CSMD1: variants seen among roughly 807,000 people sequenced by gnomAD.
CSMD1 encodes CUB and Sushi multiple domains 1, also known as CUB and sushi domain-containing protein 1.
In CSMD1, 213 loss-of-function variants were observed where a neutral mutation model predicts 417.5. The observed-to-expected ratio is 0.51, with a 90% CI of 0.46 to 0.57. The LOEUF (loss-of-function observed/expected upper bound fraction) is 0.57, where lower values mean the gene tolerates loss of function less well. Among genes scored for constraint, CSMD1 ranks in the 20% least tolerant of loss-of-function variants. The pLI is 0.00. For synonymous variants in CSMD1, 2,862 were observed against 1,736.8 expected, an observed-to-expected ratio of 1.65 and a Z score of -16.11; for missense variants, 6,923 against 4,529.7, an observed-to-expected ratio of 1.53 and a Z score of -15.17.
At chr8:3,736,756 G>A (rs531241624) in intron 6 of CSMD1, among the ~76,000 whole-genome samples, 28 of 152,154 alleles carry the variant, frequency 1.8e-4, no homozygotes, top group Non-Finnish European at 3.7e-4. Flanking sequence ...CCAATCATTA[G>A]GTGTGTCGTT....
chr8:3,006,739 G>T (rs916496137), intron 52 of CSMD1, among the ~76,000 whole-genome samples: 1 of 151,648 alleles, frequency 6.6e-6, no homozygotes, highest in Non-Finnish European at 1.5e-5. Flanking sequence ...GCTGAAACTG[G>T]ATCCCTTCCT....
At position 3,815,469 on chromosome 8, in the gene CSMD1, T is replaced by C. The variant is rs560442122; in HGVS notation, c.819-61427A>G. On this transcript the variant is annotated intron_variant, in intron 5 of 69. Transcript: ENST00000635120. ...ATTGTGCCAGTCCCTCAGGTTTCTG[T>C]GTAAATATAAAAGTTAAACTCAAAA... Among the ~76,000 whole-genome samples the C allele has an allele frequency of 8.5e-5, 13 of 152,212 alleles. 1 individual carries two copies. Among genetic ancestry groups the C allele is most frequent in the Admixed American group, 2.0e-4 (3 of 15,292 alleles).
chr8:3,948,907 CACTG>C lies in CSMD1; in HGVS notation c.818+48992_818+48995del, dbSNP rs758133486. On this transcript the variant is annotated intron_variant, in intron 5 of 69. Transcript: ENST00000635120. ...AAAAAGGAGATTTTTTTTTTCAGAA[CACTG>C]ACTGGTACAAAAAGCATTAGTAGAA... Among the ~76,000 whole-genome samples, 3 of 151,566 alleles carry C rather than the reference CACTG, an allele frequency of 2.0e-5. No homozygotes were observed. The South Asian group carries it at 6.2e-4, about 32-fold the overall frequency.
intron 49 of CSMD1, among the ~76,000 whole-genome samples, chr8:3,082,107 T>A (rs1414918260): frequency 2.0e-5 from 3 of 152,180 alleles, no homozygotes; most frequent in Non-Finnish European, 4.4e-5. Context: ...GTATTTTCAA[T>A]ACCTGTTTTC....
At chr8:3,360,107 T>G (rs1290616702) in intron 20 of CSMD1, among the ~76,000 whole-genome samples, 1 of 152,230 alleles carries the variant, frequency 6.6e-6, no homozygotes, top group Admixed American at 6.5e-5. Context: ...ATTTTGCCTC[T>G]AGAATATACC....
intron 1 of CSMD1, among the ~76,000 whole-genome samples, chr8:4,706,353 T>C (rs1357477310): frequency 6.6e-6 from 1 of 152,148 alleles, no homozygotes. Context: ...CTTCAAATTA[T>C]TATACTCCAT....
At position 3,651,854 on chromosome 8, in the gene CSMD1, T is replaced by A. The variant is rs139106998; in HGVS notation, c.1010-35057A>T. ...CCATCAGAGCACCCACCATCGCACT[T>A]ACCACCATGAGCACACTTACCACCA... On this transcript the variant is annotated intron_variant, in intron 7 of 69. Transcript: ENST00000635120. 3.2e-3 allele frequency among the ~76,000 whole-genome samples: 427 copies of A among 134,686 alleles called. 1 individual carries two copies. The highest frequency in any genetic ancestry group is 5.1e-3 in the Non-Finnish European group (324 of 64,140). The allele number at this position is 134,686 out of a possible 152,430, so 88.4% of individuals were successfully genotyped here.
rs193065125 is a variant in CSMD1, at chr8:4,396,999, C to T, written c.415+22954G>A. On this transcript the variant is annotated intron_variant, in intron 3 of 69. Coordinates refer to ENST00000635120, the MANE Select transcript of CSMD1 (RefSeq NM_033225.6). ...TAAAGGACCTATTCATGTAACCAAA[C>T]ACCATCTGTTCCCTAAAAATCTAAT... Among the ~76,000 whole-genome samples the T allele has an allele frequency of 3.1e-4, 47 of 152,008 alleles. No homozygotes were observed. In the East Asian group the frequency reaches 9.1e-3, roughly 29 times the overall value.
intron 1 of CSMD1, among the ~76,000 whole-genome samples, chr8:4,741,067 C>G (rs1810571623): frequency 6.6e-6 from 1 of 152,146 alleles, no homozygotes; most frequent in South Asian, 2.1e-4. Flanking sequence ...AATCCTTATG[C>G]TTTAAGGAAT....
chr8:4,640,448 A>G (rs1036404384), intron 1 of CSMD1, among the ~76,000 whole-genome samples: 1 of 152,238 alleles, frequency 6.6e-6, no homozygotes, highest in Non-Finnish European at 1.5e-5. Context: ...GGAACAGAAT[A>G]GAAAGCCATA....
At chr8:3,937,275 T>A (rs533373703) in intron 5 of CSMD1, among the ~76,000 whole-genome samples, 1 of 152,278 alleles carries the variant, frequency 6.6e-6, no homozygotes, top group South Asian at 2.1e-4. Context: ...GAAGACTGAC[T>A]GAATTTTGAA....
At chr8:3,145,973 A>G (rs1175569496) in intron 40 of CSMD1, among the ~76,000 whole-genome samples, 1 of 152,206 alleles carries the variant, frequency 6.6e-6, no homozygotes, top group East Asian at 1.9e-4. Context: ...TCAGAGTTAA[A>G]CCCTAGTTTT....
At position 4,641,717 on chromosome 8, in the gene CSMD1, G is replaced by A. The variant is rs182816139; in HGVS notation, c.86-4159C>T. Among the ~76,000 whole-genome samples, 718 of 152,232 alleles carry A rather than the reference G, an allele frequency of 4.7e-3. 5 individuals carry two copies. The highest frequency in any genetic ancestry group is 0.037 in the Middle Eastern group (11 of 294). ...TACAGACCTCATGTATGGTGATCGA[G>A]TCATAACATATATCACAATAAATAC... On this transcript the variant is annotated intron_variant, in intron 1 of 69. Transcript: ENST00000635120.
chr8:4,154,757 T>G (rs6999426), intron 3 of CSMD1, among the ~76,000 whole-genome samples: 45,162 of 151,968 alleles, frequency 0.3, 7,420 homozygotes, highest in African/African-American at 0.45. Flanking sequence ...AATATCCCCG[T>G]AAGATATGAA....
chr8:3,042,759 G>A (rs1296537020), intron 50 of CSMD1, among the ~76,000 whole-genome samples: 1 of 152,046 alleles, frequency 6.6e-6, no homozygotes. Flanking sequence ...AACAGTGCCT[G>A]GTGCTCATAG....
chr8:2,962,223 A>C lies in CSMD1; in HGVS notation c.9628+243T>G, dbSNP rs532138693. Among the ~76,000 whole-genome samples, 4 of 152,368 alleles carry C rather than the reference A, an allele frequency of 2.6e-5. No homozygotes were observed. In the East Asian group the frequency reaches 7.7e-4, roughly 29 times the overall value. On this transcript the variant is annotated intron_variant, in intron 61 of 69. Coordinates refer to ENST00000635120, the MANE Select transcript of CSMD1 (RefSeq NM_033225.6). ...GACAGCGGAGAGAGCCACTGAGGTC[A>C]GAGAACAAAGTCTAGTAGCTACTTT...
In CSMD1 at chr8:4,402,859, T is replaced by G. The variant is rs557660451; in HGVS notation, c.415+17094A>C. ...TTTTGGAGACAGAGCCTTGCTCTGT[T>G]GCCAGGCTGGAGTGCAGCGGCGCAA... On this transcript the variant is annotated intron_variant, in intron 3 of 69. Transcript: ENST00000635120. Among the ~76,000 whole-genome samples the G allele has an allele frequency of 2.2e-3, 316 of 143,256 alleles. 1 individual carries two copies. Among genetic ancestry groups the G allele is most frequent in the Admixed American group, 5.5e-3 (74 of 13,542 alleles). 94.0% of individuals were successfully genotyped at this position (143,256 alleles called of 152,430 possible).
chr8:4,105,590 T>C (rs975195039), intron 3 of CSMD1, among the ~76,000 whole-genome samples: 1 of 152,130 alleles, frequency 6.6e-6, no homozygotes, highest in African/African-American at 2.4e-5. Context: ...GAGTAGGTGA[T>C]GAGGGCTACA....
chr8:4,445,285 A>T, intron 2 of CSMD1, among the ~76,000 whole-genome samples: 1 of 152,148 alleles, frequency 6.6e-6, no homozygotes, highest in East Asian at 1.9e-4. Flanking sequence ...TACCTATGAC[A>T]TTCCGTTAGT....
Sources: allele counts gnomAD v4.1 joint callset (sites outside exome capture counted in the v4.1 genomes callset), GRCh38; gene constraint gnomAD v4.1.1; transcripts MANE v1.5; gene names NCBI Gene and HGNC (gene_info 2026-07-23, HGNC 2026-07-21).